NKAIN2: variants seen among roughly 807,000 people sequenced by gnomAD.
The protein encoded by NKAIN2 is sodium/potassium transporting ATPase interacting 2.
In NKAIN2, 14 loss-of-function variants were observed where a neutral mutation model predicts 32.6. The ratio of observed to expected loss-of-function variants is 0.43; its 90% CI spans 0.28 to 0.67. The LOEUF is 0.67. Among genes scored for constraint, NKAIN2 ranks in the 30% least tolerant of loss-of-function variants. NKAIN2 has a pLI of 0.17. For synonymous variants in NKAIN2, 80 were observed against 87.2 expected (o/e 0.92, Z 0.46); for missense variants, 198 against 258.3 (o/e 0.77, Z 1.60).
At chr6:124,622,771 C>G (rs569041722) in intron 3 of NKAIN2, among the ~76,000 whole-genome samples, 25 of 152,260 alleles carry the variant, frequency 1.6e-4, no homozygotes, top group African/African-American at 5.1e-4. Context: ...TCCGACAACC[C>G]CCAGCTGAAA....
chr6:124,658,689 A>T, intron 4 of NKAIN2: 1 of 567,556 alleles, frequency 1.8e-6, no homozygotes. Context: ...TTCTGAAGGG[A>T]TGATCAGAGA....
At chr6:124,807,273 A>G (rs1199273868) in intron 5 of NKAIN2, among the ~76,000 whole-genome samples, 2 of 152,324 alleles carry the variant, frequency 1.3e-5, no homozygotes, top group East Asian at 1.9e-4. Flanking sequence ...AAAGAACAGA[A>G]ATTATAACAA....
At position 124,641,183 on chromosome 6, in the gene NKAIN2, G is replaced by T. The variant is rs182735184; in HGVS notation, c.274-17003G>T. Among the ~76,000 whole-genome samples, 3 of 152,288 alleles carry T rather than the reference G, an allele frequency of 2.0e-5. No homozygotes were observed. The East Asian group carries it at 5.8e-4, about 29-fold the overall frequency. On this transcript the variant is annotated intron_variant, in intron 3 of 6. Transcript: ENST00000368417. ...AATCAGGAAAAGCTGTTGAGAAGGGGTAACTCAAAGTATTAATTCAAACGA... is the reference window on the plus strand; with the variant it reads ...AATCAGGAAAAGCTGTTGAGAAGGGTTAACTCAAAGTATTAATTCAAACGA...
intron 3 of NKAIN2, among the ~76,000 whole-genome samples, chr6:124,474,153 C>A (rs1376220467): frequency 3.3e-5 from 5 of 151,262 alleles, no homozygotes; most frequent in African/African-American, 1.2e-4. Flanking sequence ...CCCAGGCTAG[C>A]GTGCAGTGGT....
chr6:124,230,993 A>G (rs1166941579), intron 1 of NKAIN2, among the ~76,000 whole-genome samples: 1 of 152,152 alleles, frequency 6.6e-6, no homozygotes, highest in Non-Finnish European at 1.5e-5. Context: ...TGGAAAAGAC[A>G]CAGACACTCA....
rs573878683 is a variant in NKAIN2, at chr6:124,022,852, A to C, written c.54+218598A>C. The stretch of plus-strand genomic sequence containing the variant: ...CTGCTTTGCATGAATTCCTGGGAGC[A>C]ATGGGGAGGCTTGTGGGGCAGGCGA... On this transcript the variant is annotated intron_variant, in intron 1 of 6. Coordinates refer to ENST00000368417, the MANE Select transcript of NKAIN2 (RefSeq NM_001040214.3). Among the ~76,000 whole-genome samples, 11 of 152,162 alleles carry C rather than the reference A, an allele frequency of 7.2e-5. No individual in the cohort carries two copies. In the East Asian group the frequency reaches 1.5e-3, roughly 21 times the overall value.
At chr6:124,585,142 T>A (rs1238419103) in intron 3 of NKAIN2, among the ~76,000 whole-genome samples, 1 of 152,122 alleles carries the variant, frequency 6.6e-6, no homozygotes, top group African/African-American at 2.4e-5. Context: ...AAGAATAAGA[T>A]CCTATCGTTG....
intron 3 of NKAIN2, among the ~76,000 whole-genome samples, chr6:124,423,507 C>T (rs574923764): frequency 1.2e-4 from 19 of 152,238 alleles, no homozygotes; most frequent in African/African-American, 4.1e-4. Flanking sequence ...TTAATTTTGA[C>T]ACTACAATCA....
intron 3 of NKAIN2, among the ~76,000 whole-genome samples, chr6:124,462,714 A>G (rs959284927): frequency 6.6e-6 from 1 of 152,020 alleles, no homozygotes; most frequent in Non-Finnish European, 1.5e-5. Flanking sequence ...ATGCTTATTC[A>G]GGACTCTAGA....
chr6:124,432,529 G>A (rs1775262196), intron 3 of NKAIN2, among the ~76,000 whole-genome samples: 2 of 152,100 alleles, frequency 1.3e-5, no homozygotes, highest in Non-Finnish European at 2.9e-5. Flanking sequence ...GATCACTTGA[G>A]CCTGGAAGGT....
At chr6:124,306,915 A>T (rs904249640) in intron 2 of NKAIN2, among the ~76,000 whole-genome samples, 2 of 152,178 alleles carry the variant, frequency 1.3e-5, no homozygotes, top group Non-Finnish European at 2.9e-5. Flanking sequence ...CCTTTCATTA[A>T]GAAAACGAGC....
intron 1 of NKAIN2, among the ~76,000 whole-genome samples, chr6:124,037,126 G>A (rs1781636293): frequency 6.6e-6 from 1 of 152,064 alleles, no homozygotes; most frequent in African/African-American, 2.4e-5. Context: ...GCAGAGAGGC[G>A]AGTGCTCACA....
At chr6:124,152,349 TACAGTTTCACAATAAGTCTTGAA>T (rs1055675388) in intron 1 of NKAIN2, among the ~76,000 whole-genome samples, 2 of 152,006 alleles carry the variant, frequency 1.3e-5, no homozygotes, top group African/African-American at 4.8e-5. Flanking sequence ...ATCTAATTAA[TACAGTTTCACAATAAGTCTTGAA>T]ACCTGGTAGT....
intron 1 of NKAIN2, among the ~76,000 whole-genome samples, chr6:123,961,319 T>G (rs1017722764): frequency 1.3e-5 from 2 of 152,196 alleles, no homozygotes; most frequent in African/African-American, 4.8e-5. Flanking sequence ...CCTGATTCAT[T>G]AAATACTTTT....
chr6:123,873,925 C>CTGTT (rs1448515927), intron 1 of NKAIN2, among the ~76,000 whole-genome samples: 2 of 149,314 alleles, frequency 1.3e-5, no homozygotes, highest in East Asian at 2.0e-4. Flanking sequence ...TGCCCTTTTC[C>CTGTT]TGTTTGTTTA....
chr6:124,100,324 A>G (rs1474054250), intron 1 of NKAIN2, among the ~76,000 whole-genome samples: 1 of 152,222 alleles, frequency 6.6e-6, no homozygotes, highest in East Asian at 1.9e-4. Context: ...GGTTTAGAAG[A>G]TACTATTCTT....
At chr6:124,418,708 T>A (rs1039077879) in intron 3 of NKAIN2, among the ~76,000 whole-genome samples, 2 of 151,446 alleles carry the variant, frequency 1.3e-5, no homozygotes, top group Non-Finnish European at 2.9e-5. Flanking sequence ...TCTTACACCT[T>A]GTGTCCAAGA....
intron 1 of NKAIN2, among the ~76,000 whole-genome samples, chr6:124,149,099 A>G (rs1420719471): frequency 6.6e-6 from 1 of 152,046 alleles, no homozygotes. Flanking sequence ...CCATTTGGTT[A>G]TCTCCTTTGG....
chr6:124,547,442 A>G (rs1780135654), intron 3 of NKAIN2, among the ~76,000 whole-genome samples: 1 of 152,234 alleles, frequency 6.6e-6, no homozygotes, highest in South Asian at 2.1e-4. Context: ...CATTTTAAAT[A>G]TGTAATAACA....
Sources: allele counts gnomAD v4.1 joint callset (sites outside exome capture counted in the v4.1 genomes callset), GRCh38; gene constraint gnomAD v4.1.1; transcripts MANE v1.5; gene names NCBI Gene and HGNC (gene_info 2026-07-23, HGNC 2026-07-21).